The following RAPGEF1 variants were observed in gnomAD, a reference collection of about 807,000 sequenced individuals.
RAPGEF1 encodes the protein Rap guanine nucleotide exchange factor 1.
RAPGEF1 carries 33 observed loss-of-function variants against 143.3 expected under a neutral mutation model. The observed-to-expected ratio is 0.23, with a 90% CI of 0.17 to 0.31. The LOEUF is 0.31. Among genes scored for constraint, RAPGEF1 ranks in the 10% least tolerant of loss-of-function variants. The pLI, the probability that RAPGEF1 is intolerant of heterozygous loss-of-function variation, is 1.00. For synonymous variants in RAPGEF1, 629 were observed against 676.5 expected, an observed-to-expected ratio of 0.93 and a Z score of 1.09; for missense variants, 1,199 against 1,645.4, an observed-to-expected ratio of 0.73 and a Z score of 4.69.
intron 22 of RAPGEF1, among the ~76,000 whole-genome samples, chr9:131,587,038 ACC>A (rs1491109947): frequency 4.0e-5 from 3 of 75,434 alleles, no homozygotes; most frequent in South Asian, 4.6e-4. Flanking sequence ...ACACACACAC[ACC>A]CCTGCAGAGC....
intron 1 of RAPGEF1, among the ~76,000 whole-genome samples, chr9:131,658,673 G>A (rs955069078): frequency 1.3e-5 from 2 of 152,194 alleles, no homozygotes; most frequent in Non-Finnish European, 2.9e-5. Flanking sequence ...AAGAGGATGG[G>A]CCGGAGGAGA....
chr9:131,587,014 ACACACACACACACACACACACACACC>A, intron 22 of RAPGEF1, among the ~76,000 whole-genome samples: 1 of 33,442 alleles, frequency 3.0e-5, no homozygotes, highest in African/African-American at 4.0e-4. Context: ...CGTCTCAAAC[ACACACACACACACACACACACACACC>A]CCTGCAGAGC....
At chr9:131,693,395 A>C (rs747663677) in intron 1 of RAPGEF1, among the ~76,000 whole-genome samples, 5 of 152,214 alleles carry the variant, frequency 3.3e-5, no homozygotes, top group Non-Finnish European at 5.9e-5. Context: ...CTCACGCTCA[A>C]GTTCCATACC....
Position 131,592,102 on chromosome 9 carries a change from T to C in RAPGEF1, c.2771A>G (p.Tyr924Cys). ...TGGGTCAGGAAGGAAAGGATATCTG[T>C]ACTGCAGCTTCTTGATGAGCTCCTC... Reference protein sequence around the residue: ...SPEELIKKLQYRYEKFSPFAD... With the variant: ...SPEELIKKLQCRYEKFSPFAD... The change falls in exon 18 of 27, where the codon TAC becomes TGC. Residue 924 changes from tyrosine to cysteine, a missense_variant. By Grantham distance (194) the Tyr-to-Cys change is radical. Transcript: ENST00000683357. 1.2e-6 allele frequency: 2 copies of C among 1,607,526 alleles called. No individual in the cohort carries two copies. Among genetic ancestry groups the C allele is most frequent in the Non-Finnish European group, 1.7e-6 (2 of 1,174,000 alleles).
Position 131,593,080 on chromosome 9 carries a change from G to T in RAPGEF1, c.2690-897C>A, listed in dbSNP as rs1030335852. Among the ~76,000 whole-genome samples, 4 of 152,212 alleles carry T rather than the reference G, an allele frequency of 2.6e-5. No homozygotes were observed. The East Asian group carries it at 7.7e-4, about 29-fold the overall frequency. ...TGGTAGGGTCCAATCAGAAAAATCC[G>T]GGGAAATTCCACGTTTTGGGTCCTA... On this transcript the variant is annotated intron_variant, in intron 17 of 26. Coordinates refer to ENST00000683357, the MANE Select transcript of RAPGEF1 (RefSeq NM_001377935.1).
intron 12 of RAPGEF1, among the ~76,000 whole-genome samples, chr9:131,606,512 T>C (rs1957136438): frequency 6.6e-6 from 1 of 152,186 alleles, no homozygotes; most frequent in African/African-American, 2.4e-5. Context: ...CCAGTGCAAA[T>C]GTGCGTGCCA....
At chr9:131,734,864 A>C (rs574364866) in intron 1 of RAPGEF1, among the ~76,000 whole-genome samples, 1 of 152,300 alleles carries the variant, frequency 6.6e-6, no homozygotes, top group African/African-American at 2.4e-5. Flanking sequence ...TAGCACACTG[A>C]GCGTGAGACA....
chr9:131,580,704 TAAA>T (rs1176180627), intron 25 of RAPGEF1, among the ~76,000 whole-genome samples: 21 of 143,432 alleles, frequency 1.5e-4, no homozygotes, highest in African/African-American at 4.6e-4. Flanking sequence ...AAATGAGCAG[TAAA>T]AAAAAAAAAT....
At chr9:131,602,726 T>C (rs1286976587) in intron 14 of RAPGEF1, among the ~76,000 whole-genome samples, 6 of 152,192 alleles carry the variant, frequency 3.9e-5, no homozygotes, top group Admixed American at 3.9e-4. Flanking sequence ...CCGGGTTCAG[T>C]CCCCAAAGGG....
intron 11 of RAPGEF1, among the ~76,000 whole-genome samples, chr9:131,619,867 C>A (rs1182572699): frequency 2.6e-5 from 4 of 152,234 alleles, no homozygotes; most frequent in Non-Finnish European, 5.9e-5. Context: ...GTGTGACCAG[C>A]AGCTGGCAGG....
At chr9:131,670,514 A>G (rs145329304) in intron 1 of RAPGEF1, among the ~76,000 whole-genome samples, 2 of 152,356 alleles carry the variant, frequency 1.3e-5, no homozygotes, top group East Asian at 3.9e-4. Flanking sequence ...GAGGAGAAGA[A>G]AAGACTTCCA....
At chr9:131,592,013 C>T (rs1316925071) in intron 18 of RAPGEF1, 86 bp downstream of exon 18, 1 of 1,044,018 alleles carries the variant, frequency 9.6e-7, no homozygotes, top group Non-Finnish European at 1.5e-6. Flanking sequence ...GCTCGGCTTC[C>T]CCCACGAGGA....
At chr9:131,637,215 A>G (rs2133211963) in intron 5 of RAPGEF1, among the ~76,000 whole-genome samples, 1 of 151,290 alleles carries the variant, frequency 6.6e-6, no homozygotes, top group South Asian at 2.1e-4. Context: ...ACAGAGTGAC[A>G]TTCCGTCTCA....
intron 1 of RAPGEF1, chr9:131,737,634 G>C: frequency 1.4e-6 from 2 of 1,422,526 alleles, no homozygotes; most frequent in Non-Finnish European, 1.8e-6. Context: ...CCAGCGGTTT[G>C]GGCAGCTCAT....
intron 1 of RAPGEF1, among the ~76,000 whole-genome samples, chr9:131,668,505 G>A (rs578023057): frequency 6.6e-5 from 10 of 152,208 alleles, no homozygotes; most frequent in Admixed American, 3.3e-4. Context: ...TGACGAGACC[G>A]AGTCACACGG....
intron 1 of RAPGEF1, among the ~76,000 whole-genome samples, chr9:131,672,028 GGCCAA>G (rs1352588110): frequency 5.3e-5 from 8 of 152,118 alleles, no homozygotes; most frequent in Non-Finnish European, 7.3e-5. Context: ...CCCCTCACTG[GGCCAA>G]TAGGTGCTGC....
At chr9:131,630,134 GC>G in intron 6 of RAPGEF1, 101 bp downstream of exon 6, 1 of 1,040,496 alleles carries the variant, frequency 9.6e-7, no homozygotes, top group Non-Finnish European at 1.5e-6. Flanking sequence ...GCCTCCAGCA[GC>G]CCACCCTCAT....
Position 131,650,729 on chromosome 9 carries a change from C to T in RAPGEF1, c.201+81G>A, listed in dbSNP as rs977710767. On this transcript the variant is annotated intron_variant, in intron 2 of 26. Transcript: ENST00000683357. This position sits in a 1 kb window ranked among gnomAD's most constrained non-coding sequence, Gnocchi z 4.7. ...TATGATGCACTGAAAGCTCAATCCC[C>T]AGGGAGGGAACATACAAATCGCACA... The T allele has an allele frequency of 1.7e-5, 27 of 1,548,136 alleles. No homozygotes were observed. The highest frequency in any genetic ancestry group is 2.3e-5 in the Non-Finnish European group (26 of 1,142,206).
At chr9:131,682,665 G>A (rs542565153) in intron 1 of RAPGEF1, among the ~76,000 whole-genome samples, 6 of 152,310 alleles carry the variant, frequency 3.9e-5, no homozygotes, top group South Asian at 4.1e-4. Context: ...TGATTGTGCC[G>A]TATGGGGGAA....
Sources: allele counts gnomAD v4.1 joint callset (sites outside exome capture counted in the v4.1 genomes callset), GRCh38; gene constraint gnomAD v4.1.1; non-coding constraint Gnocchi (gnomAD v3.1); transcripts MANE v1.5; gene names NCBI Gene and HGNC (gene_info 2026-07-23, HGNC 2026-07-21).